Variants in CASTOR2 observed in about 807,000 individuals in gnomAD.
CASTOR2 encodes the protein cytosolic arginine sensor for mTORC1 subunit 2.
CASTOR2 carries 8 observed loss-of-function variants against 31.2 expected under a neutral mutation model. That is an observed-to-expected ratio of 0.26 (90% CI 0.15 to 0.46). CASTOR2 has a LOEUF of 0.46. Among genes scored for constraint, CASTOR2 ranks in the 20% least tolerant of loss-of-function variants. The pLI, the probability that CASTOR2 is intolerant of heterozygous loss-of-function variation, is 0.99. For synonymous variants in CASTOR2, 162 were observed against 158.7 expected (o/e 1.02, Z -0.16); for missense variants, 216 against 382.1 (o/e 0.57, Z 3.62).
At chr7:74,988,040 T>G (rs1447179570) in intron 1 of CASTOR2, among the ~76,000 whole-genome samples, 3 of 151,556 alleles carry the variant, frequency 2.0e-5, no homozygotes, top group Admixed American at 6.6e-5. Flanking sequence ...TTACAAAAAT[T>G]GATATTAAAC....
At chr7:74,986,702 A>G (rs1804074896) in intron 1 of CASTOR2, among the ~76,000 whole-genome samples, 1 of 151,910 alleles carries the variant, frequency 6.6e-6, no homozygotes, top group South Asian at 2.1e-4. Context: ...TCCTACCTAT[A>G]CTGCAGGCCC....
At chr7:75,002,957 G>A (rs1351480124) in intron 1 of CASTOR2, among the ~76,000 whole-genome samples, 70 of 152,186 alleles carry the variant, frequency 4.6e-4, no homozygotes, top group African/African-American at 1.5e-3. Context: ...GTGTGGTGGT[G>A]TGCACCTGTA....
In CASTOR2 at chr7:75,029,721, C is replaced by T. The variant is rs1038282986; in HGVS notation, c.*5022C>T. 1.5e-4 allele frequency among the ~76,000 whole-genome samples: 23 copies of T among 152,148 alleles called. No individual in the cohort carries two copies. Among genetic ancestry groups the T allele is most frequent in the African/African-American group, 2.9e-4 (12 of 41,430 alleles). On this transcript the variant is annotated 3_prime_UTR_variant, in exon 9 of 9. Transcript: ENST00000616305. ...AAGAAGCACCCCCAACCTTCTAGTC[C>T]GCTCCGAGCAGGGCCTGGAGCATTG...
intron 1 of CASTOR2, among the ~76,000 whole-genome samples, chr7:74,997,217 C>G (rs1254063940): frequency 5.9e-5 from 9 of 151,838 alleles, no homozygotes; most frequent in African/African-American, 2.2e-4. Flanking sequence ...CCAGGCCCTG[C>G]TAATATTTTT....
chr7:74,984,639 T>C (rs1804021142), intron 1 of CASTOR2, among the ~76,000 whole-genome samples: 1 of 152,116 alleles, frequency 6.6e-6, no homozygotes, highest in Non-Finnish European at 1.5e-5. Flanking sequence ...TTGATGAAGA[T>C]GACAGTGAGG....
intron 2 of CASTOR2, among the ~76,000 whole-genome samples, chr7:75,009,557 C>T (rs1298821610): frequency 2.0e-4 from 30 of 152,034 alleles, no homozygotes; most frequent in South Asian, 1.7e-3. Flanking sequence ...CGTGAGCCAC[C>T]GCGCCCGGCC....
chr7:75,007,319 AG>A (rs1804628775), intron 1 of CASTOR2, among the ~76,000 whole-genome samples: 1 of 152,084 alleles, frequency 6.6e-6, no homozygotes, highest in African/African-American at 2.4e-5. Context: ...CAGCAGGGTC[AG>A]GGTTCTGGTC....
intron 1 of CASTOR2, among the ~76,000 whole-genome samples, chr7:74,972,015 G>A (rs1295723038): frequency 1.5e-4 from 22 of 148,968 alleles, no homozygotes; most frequent in South Asian, 4.3e-4. Context: ...GACAAGCTCT[G>A]TTGCCCAGGC....
At chr7:74,998,917 A>C (rs1804422722) in intron 1 of CASTOR2, among the ~76,000 whole-genome samples, 1 of 151,684 alleles carries the variant, frequency 6.6e-6, no homozygotes, top group Non-Finnish European at 1.5e-5. Flanking sequence ...TCACCCTGGA[A>C]TTTGCCAAAC....
At position 75,017,647 on chromosome 7, in the gene CASTOR2, C is replaced by G; in HGVS notation, c.234C>G (p.Ala78=). The G allele has an allele frequency of 1.2e-6, 2 of 1,614,026 alleles. No homozygotes were observed. The highest frequency in any genetic ancestry group is 1.7e-6 in the Non-Finnish European group (2 of 1,179,884). Residue 78 remains alanine, a synonymous_variant, in exon 3 of 9, where the codon GCC becomes GCG. Transcript: ENST00000616305. Reference sequence around the variant, plus strand: ...GTGTGGCAGATGCCACCTGGCTGGCCCTGAACGTGGTGTCCGGCGGTGGCA... The same window carrying G: ...GTGTGGCAGATGCCACCTGGCTGGCGCTGAACGTGGTGTCCGGCGGTGGCA... ...HLSVADATWL[A]LNVVSGGGSF...
intron 8 of CASTOR2, 50 bp downstream of exon 8, chr7:75,024,584 C>T (rs1390804433): frequency 1.3e-6 from 2 of 1,551,322 alleles, no homozygotes; most frequent in Admixed American, 2.0e-5. Flanking sequence ...GGTGGGGAAG[C>T]AGGTTCCTGG....
intron 1 of CASTOR2, among the ~76,000 whole-genome samples, chr7:74,993,071 G>A (rs1271546619): frequency 1.4e-5 from 2 of 146,854 alleles, no homozygotes; most frequent in Admixed American, 6.8e-5. Context: ...GTGGTGGCAC[G>A]CGCCTGTAGT....
At chr7:75,006,750 A>G (rs1174530012) in intron 1 of CASTOR2, among the ~76,000 whole-genome samples, 4 of 152,038 alleles carry the variant, frequency 2.6e-5, no homozygotes, top group African/African-American at 9.7e-5. Context: ...ATGGTTTTAT[A>G]AAGGGTAGTT....
At chr7:74,985,685 C>G (rs1194234240) in intron 1 of CASTOR2, among the ~76,000 whole-genome samples, 4 of 151,068 alleles carry the variant, frequency 2.6e-5, no homozygotes, top group African/African-American at 9.7e-5. Context: ...TGACAGTGAG[C>G]ATGTTCCATT....
chr7:75,017,233 G>A (rs1804884907), intron 2 of CASTOR2, among the ~76,000 whole-genome samples: 1 of 152,190 alleles, frequency 6.6e-6, no homozygotes, highest in Non-Finnish European at 1.5e-5. Context: ...CGGATCACGA[G>A]GTCAAGAGAT....
chr7:75,028,013 G>A lies in CASTOR2; in HGVS notation c.*3314G>A, dbSNP rs1004840295. The A allele has an allele frequency of 9.1e-6, 14 of 1,534,568 alleles. No individual in the cohort carries two copies. Among genetic ancestry groups the A allele is most frequent in the African/African-American group, 1.4e-5 (1 of 72,974 alleles). On this transcript the variant is annotated 3_prime_UTR_variant, in exon 9 of 9. Coordinates refer to ENST00000616305, the MANE Select transcript of CASTOR2 (RefSeq NM_001145064.3). ...GCATGGAACTCCTTACCTGTTTGCC[G>A]TCCATCCCCCGGAGGTAATCAGAGG...
chr7:75,011,740 A>C lies in CASTOR2; in HGVS notation c.184+3676A>C, dbSNP rs1237590407. 7.4e-4 allele frequency among the ~76,000 whole-genome samples: 105 copies of C among 142,200 alleles called. 1 individual carries two copies. Among genetic ancestry groups the C allele is most frequent in the African/African-American group, 3.0e-3 (100 of 33,108 alleles). 93.3% of individuals were successfully genotyped at this position (142,200 alleles called of 152,430 possible). ...ACAGAGCTGTCTCAAAAAAAAAAAA[A>C]AAAAAACCAAAAAAAAAAGGAGTTC... On this transcript the variant is annotated intron_variant, in intron 2 of 8. Coordinates refer to ENST00000616305, the MANE Select transcript of CASTOR2 (RefSeq NM_001145064.3).
chr7:74,994,358 C>G (rs1331659051), intron 1 of CASTOR2, among the ~76,000 whole-genome samples: 6 of 152,182 alleles, frequency 3.9e-5, no homozygotes, highest in African/African-American at 7.2e-5. Flanking sequence ...CCAGCTGCGA[C>G]CTGGATCATC....
At chr7:75,019,508 A>T (rs1362947495) in intron 5 of CASTOR2, among the ~76,000 whole-genome samples, 1 of 152,064 alleles carries the variant, frequency 6.6e-6, no homozygotes, top group African/African-American at 2.4e-5. Flanking sequence ...ACACAGCTCT[A>T]CCTAAAAGCC....
Sources: gnomAD v4.1 joint callset for allele counts (sites outside exome capture counted in the v4.1 genomes callset) on GRCh38, gnomAD v4.1.1 for gene constraint, MANE v1.5 for transcripts, NCBI Gene and HGNC (gene_info 2026-07-23, HGNC 2026-07-21) for gene names.